MTA3: variants seen among roughly 807,000 people sequenced by gnomAD.
The protein encoded by MTA3 is metastasis-associated protein MTA3.
Under a neutral mutation model 83.5 loss-of-function variants are expected in MTA3, and 34 were observed. The ratio of observed to expected loss-of-function variants is 0.41; its 90% CI spans 0.31 to 0.54. MTA3 has a LOEUF of 0.54. MTA3 is among the 20% of genes least tolerant of loss of function. The pLI, the probability that MTA3 is intolerant of heterozygous loss-of-function variation, is 0.33. For missense variants in MTA3, 761 were observed against 726.4 expected (o/e 1.05, Z -0.55); for synonymous variants, 303 against 252.7 (o/e 1.20, Z -1.89).
At chr2:42,563,317 C>T (rs762740201) in intron 2 of MTA3, among the ~76,000 whole-genome samples, 18 of 152,066 alleles carry the variant, frequency 1.2e-4, no homozygotes, top group African/African-American at 2.7e-4. Context: ...TACAGGCGCG[C>T]GCCACCATGC....
chr2:42,611,229 C>T (rs531570716), intron 4 of MTA3, among the ~76,000 whole-genome samples: 3 of 151,834 alleles, frequency 2.0e-5, no homozygotes, highest in South Asian at 2.1e-4. Context: ...GTGATCCACC[C>T]GCCTCAGCCT....
At chr2:42,512,733 G>C (rs1333931136) in intron 2 of MTA3, among the ~76,000 whole-genome samples, 2 of 152,182 alleles carry the variant, frequency 1.3e-5, no homozygotes, top group African/African-American at 4.8e-5. Context: ...CAAGGGATTA[G>C]AAAACACTCA....
intron 2 of MTA3, among the ~76,000 whole-genome samples, chr2:42,557,481 C>G (rs895667084): frequency 1.3e-5 from 2 of 152,014 alleles, no homozygotes; most frequent in East Asian, 1.9e-4. Context: ...ACCAAAGCCT[C>G]GAAAAGGTCA....
At chr2:42,626,494 C>T (rs1431387060) in intron 4 of MTA3, among the ~76,000 whole-genome samples, 17 of 151,484 alleles carry the variant, frequency 1.1e-4, no homozygotes, top group African/African-American at 4.1e-4. Flanking sequence ...GATGGGGTTT[C>T]ACCATGTTGG....
chr2:42,697,026 T>A (rs1278342272), intron 10 of MTA3, among the ~76,000 whole-genome samples: 2 of 152,204 alleles, frequency 1.3e-5, no homozygotes, highest in African/African-American at 4.8e-5. Context: ...TTTCAAGTTG[T>A]CCCCCTAAGT....
At chr2:42,587,835 C>T (rs1680522934) in intron 3 of MTA3, among the ~76,000 whole-genome samples, 1 of 152,180 alleles carries the variant, frequency 6.6e-6, no homozygotes, top group South Asian at 2.1e-4. Context: ...CTCCTGGCCT[C>T]AAGTGATCTG....
rs11367463 is a variant in MTA3 at position 42,638,889 on chromosome 2, GTT to G, written c.318-1271_318-1270del. Reference sequence around the variant, plus strand: ...CCAGAAAAAGACATTTTTATAAGGGGTTTTTTTTTTTTTTAATTTAAAGAGTA... The same window carrying G: ...CCAGAAAAAGACATTTTTATAAGGGGTTTTTTTTTTTTAATTTAAAGAGTA... On this transcript the variant is annotated intron_variant, in intron 4 of 16. Transcript: ENST00000405094. Among the ~76,000 whole-genome samples, 425 of 146,406 alleles carry G rather than the reference GTT, an allele frequency of 2.9e-3. 3 individuals are homozygous for G. Among genetic ancestry groups the G allele is most frequent in the African/African-American group, 4.5e-3 (181 of 39,922 alleles).
At chr2:42,543,560 G>C (rs1676618409) in intron 2 of MTA3, among the ~76,000 whole-genome samples, 1 of 151,868 alleles carries the variant, frequency 6.6e-6, no homozygotes, top group Non-Finnish European at 1.5e-5. Context: ...ATAGCTCATT[G>C]CAACAGCCTG....
chr2:42,504,261 A>G (rs1021296374), intron 2 of MTA3, among the ~76,000 whole-genome samples: 4 of 149,600 alleles, frequency 2.7e-5, no homozygotes, highest in South Asian at 2.1e-4. Flanking sequence ...TGAGTCTATC[A>G]AAAGACTTCG....
At chr2:42,743,278 C>A (rs1235964332) in intron 16 of MTA3, among the ~76,000 whole-genome samples, 1 of 152,176 alleles carries the variant, frequency 6.6e-6, no homozygotes, top group African/African-American at 2.4e-5. Flanking sequence ...AGGGACAAGG[C>A]GATTGCCTGC....
chr2:42,506,488 A>G (rs1429561103), intron 2 of MTA3, among the ~76,000 whole-genome samples: 1 of 151,956 alleles, frequency 6.6e-6, no homozygotes, highest in Non-Finnish European at 1.5e-5. Context: ...GAGTAAAAAT[A>G]AAATGTTAAC....
chr2:42,564,137 A>C (rs533953219), upstream of MTA3, among the ~76,000 whole-genome samples: 1 of 152,164 alleles, frequency 6.6e-6, no homozygotes, highest in Admixed American at 6.6e-5. Context: ...TTCTTATTCA[A>C]ATCTACAGTA....
rs575705879 is a variant in MTA3, at chr2:42,606,089, C to G, written c.191-3369C>G. ...GGGGGGCTGACCCCCCCTCTCCCTC[C>G]CGGACGGGGTGGCTGGCCGGGCTGA... On this transcript the variant is annotated intron_variant, in intron 3 of 16. Coordinates refer to ENST00000405094, the MANE Select transcript of MTA3 (RefSeq NM_001330442.2). Among the ~76,000 whole-genome samples the G allele has an allele frequency of 2.2e-3, 301 of 137,600 alleles. 6 individuals carry two copies. The highest frequency in any genetic ancestry group is 3.8e-3 in the Non-Finnish European group (236 of 62,354). The allele number at this position is 137,600 out of a possible 152,430, so 90.3% of individuals were successfully genotyped here. A position where few individuals can be genotyped will look rare whatever the true frequency, so the allele number is the denominator to read the frequency against.
chr2:42,594,728 A>ATATATATATATATATTTTT, intron 3 of MTA3, among the ~76,000 whole-genome samples: 25 of 24,024 alleles, frequency 1.0e-3, no homozygotes, highest in Admixed American at 1.8e-3. Flanking sequence ...ATATATATAT[A>ATATATATATATATATTTTT]TTTTTTTTTT....
At chr2:42,587,856 C>G (rs1300986627) in intron 3 of MTA3, among the ~76,000 whole-genome samples, 1 of 152,166 alleles carries the variant, frequency 6.6e-6, no homozygotes, top group African/African-American at 2.4e-5. Flanking sequence ...CCCACCTTGG[C>G]CTCCTAAGGT....
chr2:42,740,562 C>T (rs1178786213), intron 16 of MTA3, among the ~76,000 whole-genome samples: 1 of 152,234 alleles, frequency 6.6e-6, no homozygotes, highest in Non-Finnish European at 1.5e-5. Flanking sequence ...TCCGTTCATC[C>T]ATCCTAGAAT....
In MTA3 at chr2:42,644,172, CTA is replaced by C; in HGVS notation, c.429_430del (p.Leu144SerfsTer2). 6.2e-7 allele frequency: 1 copy of C among 1,613,056 alleles called. No homozygotes were observed. The highest frequency in any genetic ancestry group is 8.5e-7 in the Non-Finnish European group (1 of 1,179,518). On this transcript the variant is annotated frameshift_variant, in exon 6 of 17. Coordinates refer to ENST00000405094, the MANE Select transcript of MTA3 (RefSeq NM_001330442.2). LOFTEE classifies it high-confidence loss of function. ...GGTCTATGACCCCTCATTGAAAACA[CTA>C]TTAGCTGACAAAGGTGAAATCAGAG... ...SLVYDPSLKT[L>X]LADKGEIRVG...
chr2:42,722,085 T>C (rs970621540), intron 15 of MTA3, among the ~76,000 whole-genome samples: 3 of 152,150 alleles, frequency 2.0e-5, no homozygotes, highest in Non-Finnish European at 1.5e-5. Context: ...TTGTGTGTAG[T>C]TGGCCAGCTG....
intron 3 of MTA3, among the ~76,000 whole-genome samples, chr2:42,595,952 C>T (rs1158777821): frequency 6.6e-6 from 1 of 152,084 alleles, no homozygotes; most frequent in Non-Finnish European, 1.5e-5. Flanking sequence ...AAGCATTTGT[C>T]TGTGATTCAT....
Sources: allele counts gnomAD v4.1 joint callset (sites outside exome capture counted in the v4.1 genomes callset), GRCh38; gene constraint gnomAD v4.1.1; transcripts MANE v1.5; gene names NCBI Gene and HGNC (gene_info 2026-07-23, HGNC 2026-07-21).